The following LDB3 variants were observed in gnomAD, a reference collection of about 807,000 sequenced individuals.
The protein encoded by LDB3 is LIM domain-binding protein 3.
Under a neutral mutation model 69.0 loss-of-function variants are expected in LDB3, and 49 were observed. The observed-to-expected ratio is 0.71, with a 90% CI of 0.56 to 0.90. LDB3 has a LOEUF of 0.90. LDB3 is among the 40% of genes least tolerant of loss of function. LDB3 has a pLI of 0.00. For missense variants in LDB3, 928 were observed against 974.1 expected, an observed-to-expected ratio of 0.95 and a Z score of 0.63; for synonymous variants, 387 against 396.2, an observed-to-expected ratio of 0.98 and a Z score of 0.28.
rs76172989 is a variant in LDB3 at position 86,721,417 on chromosome 10, G to A, written c.1978+2570G>A. ...GAAAAATGCTTCAGCTGGCTGCAAA[G>A]ATAAGCTGACATCTGCATATAAAGA... On this transcript the variant is annotated intron_variant, in intron 12 of 13. Transcript: ENST00000361373. Among the ~76,000 whole-genome samples, 232 of 152,328 alleles carry A rather than the reference G, an allele frequency of 1.5e-3. 1 individual carries two copies. The highest frequency in any genetic ancestry group is 8.3e-3 in the East Asian group (43 of 5,182).
At chr10:86,713,065 A>AAT (rs138161930) in intron 9 of LDB3, among the ~76,000 whole-genome samples, 8,844 of 148,484 alleles carry the variant, frequency 0.06, 372 homozygotes, top group African/African-American at 0.12. Flanking sequence ...CCGTCTCAAA[A>AAT]ATATATATAT....
At chr10:86,679,732 T>A (rs1845006912) in intron 3 of LDB3, among the ~76,000 whole-genome samples, 1 of 152,222 alleles carries the variant, frequency 6.6e-6, no homozygotes, top group African/African-American at 2.4e-5. Flanking sequence ...ACTTTACAGT[T>A]AAGGCAGAGA....
At chr10:86,725,654 G>A (rs980089427) in intron 12 of LDB3, among the ~76,000 whole-genome samples, 5 of 152,314 alleles carry the variant, frequency 3.3e-5, no homozygotes, top group Middle Eastern at 3.4e-3. Context: ...CAATAAAGTA[G>A]TTCAAATACT....
At chr10:86,711,568 C>G (rs1268189449) in intron 9 of LDB3, among the ~76,000 whole-genome samples, 1 of 151,966 alleles carries the variant, frequency 6.6e-6, no homozygotes, top group East Asian at 1.9e-4. Context: ...CCCCTCCGCT[C>G]CCCTTCCCTC....
rs1223871258 is a variant in LDB3 at position 86,734,935 on chromosome 10, T to C, written c.*1959T>C. ...GAGGTTGCTGACTGTACTGACAGGCTCTAAGTCATTTTCTCCAAAAACTAT... is the reference window on the plus strand; with the variant it reads ...GAGGTTGCTGACTGTACTGACAGGCCCTAAGTCATTTTCTCCAAAAACTAT... On this transcript the variant is annotated 3_prime_UTR_variant, in exon 14 of 14. Transcript: ENST00000361373. The C allele has an allele frequency of 6.6e-6, 1 of 150,964 alleles. No individual in the cohort carries two copies. The highest frequency in any genetic ancestry group is 1.5e-5 in the Non-Finnish European group (1 of 67,910). The allele number at this position is 150,964 out of a possible 1,614,324, so 9.4% of individuals were successfully genotyped here. A position where few individuals can be genotyped will look rare whatever the true frequency, so the allele number is the denominator to read the frequency against.
chr10:86,718,831 G>A lies in LDB3; in HGVS notation c.1962G>A (p.Glu654=), dbSNP rs201063130. 55 of 1,614,124 alleles carry A rather than the reference G, an allele frequency of 3.4e-5. No individual in the cohort carries two copies. The highest frequency in any genetic ancestry group is 6.7e-5 in the Admixed American group (4 of 60,022). The change falls in exon 12 of 14, where the codon GAG becomes GAA. Residue 654 remains glutamate (E), a synonymous_variant. Transcript: ENST00000361373. ...GNSLFHMEDG[E]PYCEKDYINL... ...GCCTCTTCCACATGGAAGACGGGGA[G>A]CCCTACTGCGAGAAAGGTAGGAACA...
intron 7 of LDB3, among the ~76,000 whole-genome samples, chr10:86,704,418 T>C (rs1589661417): frequency 6.6e-6 from 1 of 151,848 alleles, no homozygotes; most frequent in East Asian, 1.9e-4. Flanking sequence ...TAGGGTAATT[T>C]CTTTTTTTTT....
Position 86,699,167 on chromosome 10 carries a change from G to A in LDB3, c.896+6596G>A, listed in dbSNP as rs1026233356. 1 of 1,330,290 alleles carries A rather than the reference G, an allele frequency of 7.5e-7. No individual in the cohort carries two copies. The highest frequency in any genetic ancestry group is 1.1e-6 in the Non-Finnish European group (1 of 931,870). The allele number at this position is 1,330,290 out of a possible 1,614,324, so 82.4% of individuals were successfully genotyped here. ...GCCCTCTGCCCCACCTGTTAGACAGGGGAATGGTGAACACATTCCCTAACC... is the reference window on the plus strand; with the variant it reads ...GCCCTCTGCCCCACCTGTTAGACAGAGGAATGGTGAACACATTCCCTAACC... On this transcript the variant is annotated intron_variant, in intron 7 of 13. Transcript: ENST00000361373. The surrounding 1 kb of genome is among the most constrained non-coding windows in gnomAD (Gnocchi z 4.9).
rs915385544 is a variant in LDB3 at position 86,733,227 on chromosome 10, T to C, written c.*251T>C. 1 of 462,554 alleles carries C rather than the reference T, an allele frequency of 2.2e-6. No homozygotes were observed. The highest frequency in any genetic ancestry group is 2.0e-5 in the African/African-American group (1 of 50,486). The allele number at this position is 462,554 out of a possible 1,614,324, so 28.7% of individuals were successfully genotyped here. On this transcript the variant is annotated 3_prime_UTR_variant, in exon 14 of 14. Transcript: ENST00000361373. ...CAAGACTGGAATTGTACTTCAGACA[T>C]TTAGAGCAGAATTCCAAGAACTCAA...
chr10:86,710,206 A>T (rs1012114381), intron 9 of LDB3, 156 bp downstream of exon 9: 1 of 985,224 alleles, frequency 1.0e-6, no homozygotes, highest in African/African-American at 1.7e-5. Flanking sequence ...GCTGTGGGTC[A>T]GAATCCTATG....
intron 5 of LDB3, among the ~76,000 whole-genome samples, chr10:86,685,112 C>G (rs1237845038): frequency 6.6e-6 from 1 of 152,174 alleles, no homozygotes; most frequent in African/African-American, 2.4e-5. Context: ...GAGCTGCCTG[C>G]GTCTCTTCTG....
chr10:86,682,386 C>A (rs10749541), intron 5 of LDB3, among the ~76,000 whole-genome samples: 3 of 151,646 alleles, frequency 2.0e-5, no homozygotes, highest in Non-Finnish European at 4.4e-5. Context: ...GGTGGGGTGG[C>A]GAGGAAGCAG....
intron 9 of LDB3, among the ~76,000 whole-genome samples, chr10:86,711,221 G>A (rs1846643534): frequency 6.6e-6 from 1 of 152,160 alleles, no homozygotes; most frequent in South Asian, 2.1e-4. Context: ...GGCGCTTCTG[G>A]CACCTTCCGG....
Position 86,691,941 on chromosome 10 carries a change from C to T in LDB3, c.735C>T (p.Val245=), listed in dbSNP as rs1329610577. Residue 245 remains valine (V), a synonymous_variant, in exon 6 of 14, where the codon GTC becomes GTT. Transcript: ENST00000361373. ...TTGCCGTAGACAGCGCCTCTCCCGT[C>T]TACCAGGCTGTGATTAAGAGCCAGA... ...KDLAVDSASP[V]YQAVIKSQNK... 1.9e-5 allele frequency: 31 copies of T among 1,614,216 alleles called. No homozygotes were observed. Among genetic ancestry groups the T allele is most frequent in the Non-Finnish European group, 2.6e-5 (31 of 1,180,048 alleles).
chr10:86,673,714 G>A (rs889829628), intron 2 of LDB3, among the ~76,000 whole-genome samples: 2 of 152,090 alleles, frequency 1.3e-5, no homozygotes, highest in African/African-American at 4.8e-5. Flanking sequence ...GGCAGCCTGG[G>A]AGTGTGGGGA....
At chr10:86,705,127 CACA>C (rs770198650) in intron 7 of LDB3, among the ~76,000 whole-genome samples, 10 of 152,124 alleles carry the variant, frequency 6.6e-5, no homozygotes, top group Non-Finnish European at 1.2e-4. Context: ...CTTGGCTGAT[CACA>C]ACAAGAGGTT....
Position 86,668,800 on chromosome 10 carries a change from C to CGGGTG in LDB3, c.93+16_93+17insGGGTG. On this transcript the variant is annotated intron_variant, in intron 2 of 13. Coordinates refer to ENST00000361373, the MANE Select transcript of LDB3 (RefSeq NM_007078.3). ...TATCTCCCGGGTGAGTGCACCCTGC[C>CGGGTG]ACAGCCTGGCACCCGATGGGGCAGG... is the stretch of plus-strand genomic sequence containing the variant. 6.3e-7 allele frequency: 1 copy of CGGGTG among 1,594,052 alleles called. No homozygotes were observed. Among genetic ancestry groups the CGGGTG allele is most frequent in the Non-Finnish European group, 8.6e-7 (1 of 1,162,684 alleles).
intron 9 of LDB3, among the ~76,000 whole-genome samples, chr10:86,710,963 C>G (rs1006874563): frequency 2.6e-5 from 4 of 152,220 alleles, no homozygotes; most frequent in African/African-American, 9.6e-5. Flanking sequence ...GTCTGTCACA[C>G]GGGAGGTGCC....
rs764622989 is a variant in LDB3 at position 86,710,065 on chromosome 10, A to AGGAGG, written c.1231+21_1231+25dup. ...CTACCAGCCAGGTAAGAGGCAGAGC[A>AGGAGG]GGAGGGGAGGCTGTCGAAAGCCATG... is the stretch of plus-strand genomic sequence containing the variant. On this transcript the variant is annotated intron_variant, in intron 9 of 13. Transcript: ENST00000361373. 8 of 1,611,776 alleles carry AGGAGG rather than the reference A, an allele frequency of 5.0e-6. No homozygotes were observed. In the South Asian group the frequency reaches 8.8e-5, roughly 18 times the overall value.
Sources: allele counts gnomAD v4.1 joint callset (sites outside exome capture counted in the v4.1 genomes callset), GRCh38; gene constraint gnomAD v4.1.1; non-coding constraint Gnocchi (gnomAD v3.1); transcripts MANE v1.5; gene names NCBI Gene and HGNC (gene_info 2026-07-23, HGNC 2026-07-21).